The following SLC22A12 variants were observed in gnomAD, a reference collection of about 807,000 sequenced individuals.
The protein encoded by SLC22A12 is solute carrier family 22 member 12.
Under a neutral mutation model 52.7 loss-of-function variants are expected in SLC22A12, and 56 were observed. The observed-to-expected ratio is 1.06, with a 90% confidence interval of 0.86 to 1.33. The LOEUF (loss-of-function observed/expected upper bound fraction) is 1.33, where lower values mean the gene tolerates loss of function less well. SLC22A12 is among the 40% of genes most tolerant of loss of function. The pLI, the probability that SLC22A12 is intolerant of heterozygous loss-of-function variation, is 0.00. For missense variants in SLC22A12, 683 were observed against 741.5 expected, an observed-to-expected ratio of 0.92 and a Z score of 0.92; for synonymous variants, 337 against 324.6, an observed-to-expected ratio of 1.04 and a Z score of -0.41.
At position 64,591,802 on chromosome 11, in the gene SLC22A12, C is replaced by A. The variant is rs3825017; in HGVS notation, c.246C>A (p.Asn82Lys). 6.2e-7 allele frequency: 1 copy of A among 1,612,500 alleles called. No individual in the cohort carries two copies. The highest frequency in any genetic ancestry group is 1.7e-5 in the Admixed American group (1 of 60,028). ...CTATTTCCATCCCGCCGGGCCCCAA[C>A]CAGAGGCCCCACCAGTGCCGCCGCT... is the stretch of plus-strand genomic sequence containing the variant. ...LLAISIPPGP[N>K]QRPHQCRRFR... The change falls in exon 1 of 10, where the codon AAC (asparagine) becomes AAA (lysine). Residue 82 changes from asparagine to lysine, a missense_variant. By Grantham distance (94) the Asn-to-Lys change is moderately conservative (BLOSUM62 0). Transcript: ENST00000377574.
chr11:64,592,465 G>C (rs2038949583), intron 1 of SLC22A12, among the ~76,000 whole-genome samples: 1 of 152,170 alleles, frequency 6.6e-6, no homozygotes, highest in African/African-American at 2.4e-5. Flanking sequence ...CTCTGGGAGA[G>C]GGGTGAGGGT....
chr11:64,601,635 C>T lies in SLC22A12; in HGVS notation c.*84C>T. ...GAAGGCAGGAGGAAAGCAAAGACCTCCATTTCCAGAGGCCCAGAGGCTGCC... is the reference window on the plus strand; with the variant it reads ...GAAGGCAGGAGGAAAGCAAAGACCTTCATTTCCAGAGGCCCAGAGGCTGCC... On this transcript the variant is annotated 3_prime_UTR_variant, in exon 10 of 10. Coordinates refer to ENST00000377574, the MANE Select transcript of SLC22A12 (RefSeq NM_144585.4). 6.7e-7 allele frequency: 1 copy of T among 1,496,906 alleles called. No individual in the cohort carries two copies. The allele number at this position is 1,496,906 out of a possible 1,614,324, so 92.7% of individuals were successfully genotyped here. A position where few individuals can be genotyped will look rare whatever the true frequency, so the allele number is the denominator to read the frequency against.
chr11:64,598,342 G>A (rs1296519744), intron 4 of SLC22A12, among the ~76,000 whole-genome samples, 174 bp from the exon 5 acceptor site: 1 of 152,172 alleles, frequency 6.6e-6, no homozygotes, highest in East Asian at 1.9e-4. Context: ...GGGGTCTCCT[G>A]CTGGGGAAGG....
At chr11:64,594,500 AGGTAG>A (rs2039024111) in intron 4 of SLC22A12, among the ~76,000 whole-genome samples, 1 of 151,498 alleles carries the variant, frequency 6.6e-6, no homozygotes, top group Non-Finnish European at 1.5e-5. Flanking sequence ...GTAGGTAGGT[AGGTAG>A]GTAGGTAGGT....
intron 6 of SLC22A12, 92 bp downstream of exon 6, chr11:64,599,015 T>G: frequency 6.6e-7 from 1 of 1,516,458 alleles, no homozygotes; most frequent in Non-Finnish European, 8.9e-7. Context: ...TGGCTCCGCT[T>G]GGTCCCACTG....
rs756853091 is a variant in SLC22A12, at chr11:64,598,842, T to A, written c.989T>A (p.Met330Lys). 4 of 1,612,706 alleles carry A rather than the reference T, an allele frequency of 2.5e-6. No individual in the cohort carries two copies. The highest frequency in any genetic ancestry group is 3.4e-6 in the Non-Finnish European group (4 of 1,179,962). Reference protein sequence around the residue: ...LLSAMREELSMGQPPASLGTL... With the variant: ...LLSAMREELSKGQPPASLGTL... ...TCAGCCATGCGGGAGGAGCTGAGCA[T>A]GGGCCAGCCTCCTGCCAGCCTGGGC... The change falls in exon 6 of 10, where the codon ATG becomes AAG. Residue 330 changes from methionine (M) to lysine (K), a missense_variant. Transcript: ENST00000377574.
chr11:64,598,556 AG>A lies in SLC22A12; in HGVS notation c.873del (p.Arg291SerfsTer25). The A allele has an allele frequency of 6.2e-7, 1 of 1,603,470 alleles. No individual in the cohort carries two copies. The highest frequency in any genetic ancestry group is 2.3e-5 in the East Asian group (1 of 44,392). On this transcript the variant is annotated frameshift_variant, in exon 5 of 10. Coordinates refer to ENST00000377574, the MANE Select transcript of SLC22A12 (RefSeq NM_144585.4). LOFTEE classifies it high-confidence loss of function. The stretch of plus-strand genomic sequence containing the variant: ...GGCACGATGGCTCCTCACCACAGGC[AG>A]GCTGGATTGGGGCCTGCAGGAGCTG... ...ESARWLLTTGRLDWGLQELWR... is the reference protein window; with the variant it reads ...ESARWLLTTGXLDWGLQELWR...
rs200340948 is a variant in SLC22A12 at position 64,593,468 on chromosome 11, T to C, written c.570T>C (p.Ala190=). ...AGATGGCTGTGATGGGTACGGCAGC[T>C]GCCTTCGCCCCTGCCTTCCCCGTGT... The part of the protein sequence containing the change: ...YLQMAVMGTA[A]AFAPAFPVYC... Residue 190 remains alanine, a synonymous_variant, in exon 3 of 10, where the codon GCT becomes GCC. Coordinates refer to ENST00000377574, the MANE Select transcript of SLC22A12 (RefSeq NM_144585.4). 5.1e-4 allele frequency: 820 copies of C among 1,614,084 alleles called. No homozygotes were observed. Among genetic ancestry groups the C allele is most frequent in the Admixed American group, 7.7e-4 (46 of 60,034 alleles).
Position 64,602,306 on chromosome 11 carries a change from A to G in SLC22A12, c.*755A>G, listed in dbSNP as rs1268190244. ...CTCCCCACACAGCGCTGGGCCAGAG[A>G]GGCATTGGTGCGAGGGATTGAATAA... On this transcript the variant is annotated 3_prime_UTR_variant, in exon 10 of 10. Transcript: ENST00000377574. The G allele has an allele frequency of 6.5e-6, 1 of 154,148 alleles. No homozygotes were observed. The highest frequency in any genetic ancestry group is 2.4e-5 in the African/African-American group (1 of 41,470). 9.5% of individuals were successfully genotyped at this position (154,148 alleles called of 1,614,324 possible).
chr11:64,592,064 C>T, intron 1 of SLC22A12, 106 bp downstream of exon 1: 3 of 1,490,026 alleles, frequency 2.0e-6, no homozygotes, highest in Admixed American at 3.9e-5. Flanking sequence ...CCCACCTCCC[C>T]AGGCCCCACT....
At chr11:64,597,853 G>C (rs2039301507) in intron 4 of SLC22A12, among the ~76,000 whole-genome samples, 1 of 152,146 alleles carries the variant, frequency 6.6e-6, no homozygotes, top group Non-Finnish European at 1.5e-5. Flanking sequence ...GCTGGGTCCT[G>C]CCACAAGGAG....
rs775035473 is a variant in SLC22A12, at chr11:64,593,653, C to G, written c.680C>G (p.Ala227Gly). 2 of 1,614,172 alleles carry G rather than the reference C, an allele frequency of 1.2e-6. No individual in the cohort carries two copies. The highest frequency in any genetic ancestry group is 3.3e-5 in the Admixed American group (2 of 60,036). ...CTTGCAGTGATGGAGTGGACGGCGG[C>G]ACGGGCCCGACCCTTGGTGATGACC... Reference protein sequence around the residue: ...TGTLLMEWTAARARPLVMTLN... With the variant: ...TGTLLMEWTAGRARPLVMTLN... Residue 227 changes from alanine (A) to glycine (G), a missense_variant, in exon 4 of 10, where the codon GCA (alanine) becomes GGA (glycine). Physicochemically the swap from Ala to Gly is moderately conservative, Grantham distance 60. Coordinates refer to ENST00000377574, the MANE Select transcript of SLC22A12 (RefSeq NM_144585.4).
Position 64,598,928 on chromosome 11 carries a change from A to T in SLC22A12, c.1070+5A>T. 6.2e-7 allele frequency: 1 copy of T among 1,612,440 alleles called. No individual in the cohort carries two copies. The highest frequency in any genetic ancestry group is 8.5e-7 in the Non-Finnish European group (1 of 1,179,902). On this transcript the variant is annotated splice_donor_5th_base_variant and intron_variant, in intron 6 of 9. Coordinates refer to ENST00000377574, the MANE Select transcript of SLC22A12 (RefSeq NM_144585.4). ...CTGTATCTCCACGTTGTGCTGGTAG[A>T]TGCCCTTCCCCCAACCCCACCTCCA...
intron 4 of SLC22A12, among the ~76,000 whole-genome samples, chr11:64,595,232 GGATGGAT>G: frequency 7.3e-6 from 1 of 137,034 alleles, no homozygotes; most frequent in Non-Finnish European, 1.6e-5. Flanking sequence ...ATGGATGGAT[GGATGGAT>G]GGATGGATGG....
rs1490897824 is a variant in SLC22A12 at position 64,601,555 on chromosome 11, C to T, written c.*4C>T. ...CCTAAAATCCACACAGTTTTAGCCT[C>T]CTGGGGAACCTGCGATGGGACGGTC... On this transcript the variant is annotated 3_prime_UTR_variant, in exon 10 of 10. Transcript: ENST00000377574. The T allele has an allele frequency of 1.2e-6, 2 of 1,613,820 alleles. No individual in the cohort carries two copies. The highest frequency in any genetic ancestry group is 1.7e-6 in the Non-Finnish European group (2 of 1,179,882).
At chr11:64,592,124 G>T (rs1039785483) in intron 1 of SLC22A12, among the ~76,000 whole-genome samples, 166 bp downstream of exon 1, 1 of 152,162 alleles carries the variant, frequency 6.6e-6, no homozygotes, top group African/African-American at 2.4e-5. Flanking sequence ...GGAAGTGGGC[G>T]GCAGGGATCA....
chr11:64,593,776 C>T lies in SLC22A12; in HGVS notation c.803C>T (p.Pro268Leu), dbSNP rs1181561586. The change falls in exon 4 of 10, where the codon CCC becomes CTC. Residue 268 changes from proline (P) to leucine (L), a missense_variant. Physicochemically the swap from Pro to Leu is moderately conservative, Grantham distance 98 (BLOSUM62 -3). Transcript: ENST00000377574. ...WTLLQLVVSV[P>L]FFLCFLYSWW... is the part of the protein sequence containing the mutation. ...CTGCTGCAGCTGGTGGTCTCGGTCC[C>T]CTTCTTCCTCTGCTTTTTGTACTCC... 6.2e-7 allele frequency: 1 copy of T among 1,609,652 alleles called. No individual in the cohort carries two copies. Among genetic ancestry groups the T allele is most frequent in the South Asian group, 1.1e-5 (1 of 91,082 alleles).
intron 4 of SLC22A12, among the ~76,000 whole-genome samples, chr11:64,594,935 T>A (rs2039057289): frequency 1.1e-5 from 1 of 90,298 alleles, no homozygotes; most frequent in African/African-American, 6.5e-5. Context: ...GTTGAATGGA[T>A]GGTTGGATGG....
chr11:64,591,913 C>T lies in SLC22A12; in HGVS notation c.357C>T (p.Gly119=), dbSNP rs1469564405. 1 of 1,612,556 alleles carries T rather than the reference C, an allele frequency of 6.2e-7. No individual in the cohort carries two copies. Among genetic ancestry groups the T allele is most frequent in the Non-Finnish European group, 8.5e-7 (1 of 1,180,014 alleles). Residue 119 remains glycine (G), a synonymous_variant, in exon 1 of 10, where the codon GGC becomes GGT. Coordinates refer to ENST00000377574, the MANE Select transcript of SLC22A12 (RefSeq NM_144585.4). ...SEADTEPCVD[G]WVYDRSIFTS... is the part of the protein sequence containing the mutation. ...CCGACACGGAGCCGTGTGTGGATGG[C>T]TGGGTCTATGACCGCAGCATCTTCA...
Sources: allele counts gnomAD v4.1 joint callset (sites outside exome capture counted in the v4.1 genomes callset), GRCh38; gene constraint gnomAD v4.1.1; transcripts MANE v1.5; gene names NCBI Gene and HGNC (gene_info 2026-07-23, HGNC 2026-07-21).